The following AQR variants were observed in gnomAD, a reference collection of about 807,000 sequenced individuals.
AQR encodes the protein aquarius intron-binding spliceosomal factor, also known as RNA helicase aquarius.
Under a neutral mutation model 180.5 loss-of-function variants are expected in AQR, and 61 were observed. That is an observed-to-expected ratio of 0.34 (90% CI 0.28 to 0.42). The LOEUF (loss-of-function observed/expected upper bound fraction) is 0.42, where lower values mean the gene tolerates loss of function less well. Ranked by LOEUF, AQR falls within the 10% of genes least tolerant of loss-of-function variation. AQR has a pLI of 1.00. For missense variants in AQR, 1,281 were observed against 1,798.3 expected (o/e 0.71, Z 5.20); for synonymous variants, 551 against 588.8 (o/e 0.94, Z 0.93).
chr15:34,930,076 A>G (rs1893829180), intron 12 of AQR, among the ~76,000 whole-genome samples, 182 bp downstream of exon 12: 1 of 152,228 alleles, frequency 6.6e-6, no homozygotes, highest in African/African-American at 2.4e-5. Context: ...CACAGAATGT[A>G]GACAGGTTAT....
At chr15:34,890,173 A>G in intron 24 of AQR, 42 bp downstream of exon 24, 3 of 1,509,222 alleles carry the variant, frequency 2.0e-6, no homozygotes, top group Middle Eastern at 1.8e-4. Context: ...AAAGAAAATA[A>G]AAAATCCTTT....
chr15:34,922,453 A>G (rs961082659), intron 13 of AQR, among the ~76,000 whole-genome samples: 3 of 152,204 alleles, frequency 2.0e-5, no homozygotes, highest in African/African-American at 7.2e-5. Flanking sequence ...AAATTTTTCC[A>G]AAGTGGCTAT....
At chr15:34,863,322 G>T in intron 32 of AQR, 1 of 233,848 alleles carries the variant, frequency 4.3e-6, no homozygotes. Context: ...TAGTATTACA[G>T]TAGAGTTCAA....
rs1433960220 is a variant in AQR at position 34,950,606 on chromosome 15, C to A, written c.210-2222G>T. ...TTCTTTCTCACATATTATATTTCTT[C>A]TCTTATGCCAATAATAATTTTAAAC... On this transcript the variant is annotated intron_variant, in intron 4 of 34. Coordinates refer to ENST00000156471, the MANE Select transcript of AQR (RefSeq NM_014691.3). 2.6e-5 allele frequency among the ~76,000 whole-genome samples: 4 copies of A among 151,746 alleles called. No individual in the cohort carries two copies. The East Asian group carries it at 5.8e-4, about 22-fold the overall frequency.
intron 31 of AQR, chr15:34,868,450 G>A (rs1030139656): frequency 2.6e-5 from 4 of 152,110 alleles, no homozygotes; most frequent in African/African-American, 7.2e-5. Context: ...TTGACAAAAA[G>A]TTTATTGCTT....
In AQR at chr15:34,853,060, C is replaced by T. The variant is rs1299682167; in HGVS notation, c.*3732G>A. On this transcript the variant is annotated 3_prime_UTR_variant, in exon 35 of 35. Transcript: ENST00000156471. ...TTAAATCCTTGTAACTGAAGAGTAT[C>T]GGTGGATGAAGAAAAAATAGTCTCA... 3.3e-5 allele frequency: 5 copies of T among 152,120 alleles called. No homozygotes were observed. Among genetic ancestry groups the T allele is most frequent in the Admixed American group, 6.5e-5 (1 of 15,272 alleles). The allele number at this position is 152,120 out of a possible 1,614,324, so 9.4% of individuals were successfully genotyped here.
chr15:34,948,249 C>T lies in AQR; in HGVS notation c.330+15G>A, dbSNP rs115120638. Reference sequence around the variant, plus strand: ...GGGTCAGTATGAAAGCTATGAAGTACTTTAAATCAGTTACCTCCCATGCAG... The same window carrying T: ...GGGTCAGTATGAAAGCTATGAAGTATTTTAAATCAGTTACCTCCCATGCAG... On this transcript the variant is annotated intron_variant, in intron 5 of 34. Coordinates refer to ENST00000156471, the MANE Select transcript of AQR (RefSeq NM_014691.3). 1 of 1,612,638 alleles carries T rather than the reference C, an allele frequency of 6.2e-7. No homozygotes were observed. The highest frequency in any genetic ancestry group is 8.5e-7 in the Non-Finnish European group (1 of 1,179,520).
chr15:34,921,887 T>A (rs1289363224), intron 13 of AQR, among the ~76,000 whole-genome samples: 2 of 152,182 alleles, frequency 1.3e-5, no homozygotes, highest in Non-Finnish European at 2.9e-5. Context: ...CTCAGCTCAC[T>A]GTTACCTCCA....
chr15:34,880,851 G>A (rs1040585150), intron 27 of AQR, among the ~76,000 whole-genome samples: 2 of 152,122 alleles, frequency 1.3e-5, no homozygotes, highest in Non-Finnish European at 2.9e-5. Context: ...TAAAAGAGTC[G>A]AAGGACTGGA....
chr15:34,934,083 C>T (rs376841961), intron 10 of AQR, among the ~76,000 whole-genome samples: 1 of 151,454 alleles, frequency 6.6e-6, no homozygotes. Context: ...GCCGAGACAG[C>T]GCCACTGCAT....
At chr15:34,922,658 ATCC>A (rs576365639) in intron 13 of AQR, among the ~76,000 whole-genome samples, 2 of 152,014 alleles carry the variant, frequency 1.3e-5, no homozygotes, top group Non-Finnish European at 2.9e-5. Flanking sequence ...GGCTCAAGCA[ATCC>A]TCCTATCTCA....
chr15:34,929,315 T>C (rs1448513157), intron 12 of AQR, among the ~76,000 whole-genome samples: 1 of 152,174 alleles, frequency 6.6e-6, no homozygotes, highest in Non-Finnish European at 1.5e-5. Flanking sequence ...AGGGTTTTTA[T>C]GTTTTGGGTT....
intron 34 of AQR, among the ~76,000 whole-genome samples, chr15:34,857,832 G>A (rs1298437117): frequency 6.6e-6 from 1 of 152,100 alleles, no homozygotes; most frequent in Non-Finnish European, 1.5e-5. Context: ...TGGGAGAAGG[G>A]AGCAGCAAGG....
chr15:34,880,052 C>G (rs1174758344), intron 27 of AQR, among the ~76,000 whole-genome samples: 1 of 152,048 alleles, frequency 6.6e-6, no homozygotes, highest in Non-Finnish European at 1.5e-5. Flanking sequence ...GGCTTCCTGA[C>G]AGAACAAAAA....
intron 32 of AQR, among the ~76,000 whole-genome samples, chr15:34,865,305 C>T (rs543215289): frequency 4.8e-4 from 73 of 152,188 alleles, no homozygotes; most frequent in South Asian, 3.7e-3. Context: ...CAAATCAGTT[C>T]GGTACAAGAA....
chr15:34,940,982 T>C lies in AQR; in HGVS notation c.558A>G (p.Glu186=). ...MGLQLARLEL[E]LKKTPKLRKF... ...TTCTTAGCTTAGGTGTCTTTTTTAATTCTAATTCCAATCGTGCCTGAAGAA... is the reference window on the plus strand; with the variant it reads ...TTCTTAGCTTAGGTGTCTTTTTTAACTCTAATTCCAATCGTGCCTGAAGAA... The change falls in exon 8 of 35, where the codon GAA becomes GAG. Residue 186 remains glutamate, a synonymous_variant. Transcript: ENST00000156471. 1.9e-6 allele frequency: 3 copies of C among 1,605,422 alleles called. No homozygotes were observed. The highest frequency in any genetic ancestry group is 1.3e-5 in the African/African-American group (1 of 74,536).
intron 1 of AQR, among the ~76,000 whole-genome samples, chr15:34,967,814 T>C (rs2050317969): frequency 6.6e-6 from 1 of 152,196 alleles, no homozygotes; most frequent in Non-Finnish European, 1.5e-5. Context: ...AAGATTTCTT[T>C]TTTTTTGCTT....
intron 13 of AQR, among the ~76,000 whole-genome samples, chr15:34,924,711 G>A (rs1038368768): frequency 2.0e-5 from 3 of 152,012 alleles, no homozygotes; most frequent in Admixed American, 1.3e-4. Context: ...GGTTATAGGC[G>A]TGAGCTACCA....
intron 3 of AQR, among the ~76,000 whole-genome samples, chr15:34,959,145 G>A (rs926250096): frequency 6.6e-6 from 1 of 152,120 alleles, no homozygotes; most frequent in African/African-American, 2.4e-5. Flanking sequence ...CTAATACAAA[G>A]TAGGCTCAAC....
Sources: gnomAD v4.1 joint callset for allele counts (sites outside exome capture counted in the v4.1 genomes callset) on GRCh38, gnomAD v4.1.1 for gene constraint, MANE v1.5 for transcripts, NCBI Gene and HGNC (gene_info 2026-07-23, HGNC 2026-07-21) for gene names.